Variants in CDKL4 observed in about 807,000 individuals in gnomAD.
CDKL4 encodes cyclin-dependent kinase-like 4.
Under a neutral mutation model 42.0 loss-of-function variants are expected in CDKL4, and 44 were observed. The ratio of observed to expected loss-of-function variants is 1.05; its 90% confidence interval spans 0.82 to 1.35. The LOEUF (loss-of-function observed/expected upper bound fraction) is 1.35, where lower values mean the gene tolerates loss of function less well. CDKL4 is among the 40% of genes most tolerant of loss of function. The pLI, the probability that CDKL4 is intolerant of heterozygous loss-of-function variation, is 0.00. For missense variants in CDKL4, 393 were observed against 369.9 expected, an observed-to-expected ratio of 1.06 and a Z score of -0.51; for synonymous variants, 120 against 121.6, an observed-to-expected ratio of 0.99 and a Z score of 0.09.
intron 5 of CDKL4, among the ~76,000 whole-genome samples, chr2:39,197,435 G>A (rs777283978): frequency 7.9e-5 from 12 of 152,166 alleles, no homozygotes; most frequent in South Asian, 4.1e-4. Flanking sequence ...AAACTTCCCC[G>A]GCCTTGCTAG....
chr2:39,176,411 T>C (rs764512223), intron 9 of CDKL4, among the ~76,000 whole-genome samples: 2 of 152,162 alleles, frequency 1.3e-5, no homozygotes, highest in Non-Finnish European at 2.9e-5. Context: ...GGAGACTACA[T>C]TGTACCCACC....
chr2:39,168,688 T>C, the CDKL4 span, among the ~76,000 whole-genome samples: 1 of 146,158 alleles, frequency 6.8e-6, no homozygotes. Context: ...TGAGCTGAGA[T>C]AGCGCCATTG....
intron 7 of CDKL4, among the ~76,000 whole-genome samples, chr2:39,186,401 T>A (rs1169566877): frequency 6.6e-6 from 1 of 152,214 alleles, no homozygotes; most frequent in Non-Finnish European, 1.5e-5. Context: ...TGGCTCTGAC[T>A]CCAGCATAGT....
At chr2:39,170,776 A>G (rs575783059), downstream of CDKL4, among the ~76,000 whole-genome samples, 1 of 152,100 alleles carries the variant, frequency 6.6e-6, no homozygotes, top group South Asian at 2.1e-4. Flanking sequence ...TAAGGATATT[A>G]ATGTTTGCAA....
At chr2:39,247,045 T>C (rs1573047920), upstream of CDKL4, among the ~76,000 whole-genome samples, 1 of 152,232 alleles carries the variant, frequency 6.6e-6, no homozygotes, top group Admixed American at 6.5e-5. Flanking sequence ...ACTGGGCCTG[T>C]ACCTTGTTTT....
downstream of CDKL4, among the ~76,000 whole-genome samples, chr2:39,172,076 C>T (rs144555906): frequency 4.1e-3 from 623 of 152,000 alleles, 7 homozygotes; most frequent in African/African-American, 0.014. Flanking sequence ...TTTGGGAGGC[C>T]GAGGCAGGCG....
At chr2:39,206,839 G>GT (rs889852120) in intron 4 of CDKL4, among the ~76,000 whole-genome samples, 2 of 152,150 alleles carry the variant, frequency 1.3e-5, no homozygotes, top group Admixed American at 1.3e-4. Flanking sequence ...CTACTATGCT[G>GT]TCAGGCCCTT....
At chr2:39,174,921 G>A (rs190271102), downstream of CDKL4, among the ~76,000 whole-genome samples, 98 of 151,998 alleles carry the variant, frequency 6.4e-4, no homozygotes, top group African/African-American at 2.2e-3. Context: ...GTGTATATAC[G>A]TATGTATGTC....
chr2:39,179,198 TTC>T lies in CDKL4; in HGVS notation c.914_915del (p.Arg305LysfsTer21), dbSNP rs776515300. 41 of 1,604,678 alleles carry T rather than the reference TTC, an allele frequency of 2.6e-5. No homozygotes were observed. The highest frequency in any genetic ancestry group is 3.1e-5 in the Non-Finnish European group (36 of 1,178,052). On this transcript the variant is annotated frameshift_variant, in exon 9 of 10. Transcript: ENST00000451199. LOFTEE classifies it high-confidence loss of function. ...TTGAGCGGAAGTACCTGTTGGCGTCTTCTGTTTCTTCCTTCATTACGTGCTTT... is the reference window on the plus strand; with the variant it reads ...TTGAGCGGAAGTACCTGTTGGCGTCTTGTTTCTTCCTTCATTACGTGCTTT...
chr2:39,193,236 C>G (rs1000698675), intron 5 of CDKL4, among the ~76,000 whole-genome samples: 37 of 147,618 alleles, frequency 2.5e-4, no homozygotes, highest in Non-Finnish European at 4.8e-4. Flanking sequence ...ATATTCGAGA[C>G]CAGCCTGGGC....
intron 8 of CDKL4, 128 bp from the exon 9 acceptor site, chr2:39,179,449 G>T: frequency 1.4e-6 from 1 of 712,978 alleles, no homozygotes. Context: ...GTATTATCAA[G>T]TAGTTGGAGC....
upstream of CDKL4, among the ~76,000 whole-genome samples, chr2:39,244,652 G>A (rs1679830774): frequency 6.6e-6 from 1 of 152,234 alleles, no homozygotes; most frequent in South Asian, 2.1e-4. Context: ...CAAGGGCTGA[G>A]GAGTGCGAGC....
chr2:39,208,903 A>G (rs891325795), intron 4 of CDKL4, among the ~76,000 whole-genome samples: 2 of 152,162 alleles, frequency 1.3e-5, no homozygotes, highest in East Asian at 3.9e-4. Flanking sequence ...ATGGATGCTC[A>G]CACATCGAGG....
At chr2:39,231,703 T>C (rs1400319548) in intron 1 of CDKL4, among the ~76,000 whole-genome samples, 1 of 152,234 alleles carries the variant, frequency 6.6e-6, no homozygotes, top group Non-Finnish European at 1.5e-5. Flanking sequence ...TACATTTGCA[T>C]AGTAATAGAT....
intron 9 of CDKL4, chr2:39,178,573 A>C: frequency 2.6e-6 from 4 of 1,551,666 alleles, no homozygotes; most frequent in Non-Finnish European, 3.5e-6. Context: ...AAGTTTTCTG[A>C]AAGCAAGTGA....
chr2:39,221,008 TTTTTG>T (rs1240857846), intron 3 of CDKL4, among the ~76,000 whole-genome samples: 2,777 of 70,240 alleles, frequency 0.04, 32 homozygotes, highest in East Asian at 0.058. Flanking sequence ...TTTGTTTTTT[TTTTTG>T]TTTTGTTTTT....
chr2:39,243,672 C>T (rs1281812428), intron 1 of CDKL4, among the ~76,000 whole-genome samples, 199 bp downstream of exon 1: 2 of 152,260 alleles, frequency 1.3e-5, no homozygotes, highest in African/African-American at 4.8e-5. Context: ...CCGAGGGACC[C>T]TCACCGGGTC....
intron 3 of CDKL4, among the ~76,000 whole-genome samples, chr2:39,218,597 C>A (rs546557445): frequency 1.3e-5 from 2 of 152,296 alleles, no homozygotes; most frequent in Admixed American, 1.3e-4. Flanking sequence ...AAAGAAGACC[C>A]ACCCACAAAG....
intron 1 of CDKL4, among the ~76,000 whole-genome samples, chr2:39,241,351 C>G (rs973787413): frequency 2.6e-5 from 4 of 152,168 alleles, no homozygotes; most frequent in East Asian, 1.9e-4. Context: ...GTTTATTACA[C>G]TCTTATTGCC....
Sources: allele counts gnomAD v4.1 joint callset (sites outside exome capture counted in the v4.1 genomes callset), GRCh38; gene constraint gnomAD v4.1.1; transcripts MANE v1.5; gene names NCBI Gene and HGNC (gene_info 2026-07-23, HGNC 2026-07-21).